Variants in PACRG observed in about 807,000 individuals in gnomAD.
PACRG encodes parkin coregulated gene protein.
In PACRG, 29 loss-of-function variants were observed where a neutral mutation model predicts 29.7. The ratio of observed to expected loss-of-function variants is 0.98; its 90% CI spans 0.73 to 1.33. The LOEUF (loss-of-function observed/expected upper bound fraction) is 1.33. Among genes scored for constraint, PACRG ranks in the 40% most tolerant of loss-of-function variants. PACRG has a pLI of 0.00. For synonymous variants in PACRG, 116 were observed against 118.7 expected, an observed-to-expected ratio of 0.98 and a Z score of 0.15; for missense variants, 279 against 316.2, an observed-to-expected ratio of 0.88 and a Z score of 0.89.
intron 4 of PACRG, among the ~76,000 whole-genome samples, chr6:163,232,579 C>T (rs1369297261): frequency 6.6e-6 from 1 of 152,140 alleles, no homozygotes; most frequent in African/African-American, 2.4e-5. Context: ...GAAGGTGGCT[C>T]TGTGGTCCTG....
intron 4 of PACRG, among the ~76,000 whole-genome samples, chr6:163,239,934 C>T (rs1457081710): frequency 2.1e-5 from 2 of 96,224 alleles, no homozygotes; most frequent in Non-Finnish European, 4.6e-5. Flanking sequence ...ATAACACACT[C>T]ACACTCCCAC....
At chr6:163,115,539 C>T (rs543347993) in intron 4 of PACRG, among the ~76,000 whole-genome samples, 1 of 152,166 alleles carries the variant, frequency 6.6e-6, no homozygotes, top group Non-Finnish European at 1.5e-5. Flanking sequence ...ACGCCCCTAC[C>T]CTAAGAGATA....
chr6:162,997,224 A>T (rs1804149115), intron 2 of PACRG, among the ~76,000 whole-genome samples: 1 of 152,238 alleles, frequency 6.6e-6, no homozygotes, highest in Non-Finnish European at 1.5e-5. Flanking sequence ...GAGCAAATCT[A>T]CATAAGGCAA....
In PACRG at chr6:163,301,008, C is replaced by T. The variant is rs113406743; in HGVS notation, c.614-13819C>T. Among the ~76,000 whole-genome samples the T allele has an allele frequency of 9.8e-4, 125 of 127,236 alleles. 5 individuals are homozygous for T. Among genetic ancestry groups the T allele is most frequent in the African/African-American group, 3.1e-3 (113 of 36,050 alleles). 83.5% of individuals were successfully genotyped at this position (127,236 alleles called of 152,430 possible). On this transcript the variant is annotated intron_variant, in intron 4 of 4. Transcript: ENST00000366888. Reference sequence around the variant, plus strand: ...TAGTAGGGCCACGTCCGCTGCTTCCCGTGAGTTTAGTAGGGCCACGTCAGC... The same window carrying T: ...TAGTAGGGCCACGTCCGCTGCTTCCTGTGAGTTTAGTAGGGCCACGTCAGC...
At chr6:163,158,354 G>GGTT (rs1480227232) in intron 4 of PACRG, among the ~76,000 whole-genome samples, 3 of 152,186 alleles carry the variant, frequency 2.0e-5, no homozygotes, top group Non-Finnish European at 4.4e-5. Context: ...GTGCATGCCT[G>GGTT]GTTGAGCTGA....
chr6:163,084,899 A>G (rs1292063279), intron 3 of PACRG, among the ~76,000 whole-genome samples: 3 of 147,978 alleles, frequency 2.0e-5, no homozygotes, highest in African/African-American at 7.5e-5. Context: ...TTACTCCTTG[A>G]TACCAGTATA....
chr6:162,832,194 G>A (rs902517685), intron 2 of PACRG, among the ~76,000 whole-genome samples: 2 of 151,982 alleles, frequency 1.3e-5, no homozygotes, highest in East Asian at 1.9e-4. Flanking sequence ...TTCAATACTC[G>A]TCATTCTGAC....
At chr6:163,175,184 A>G (rs940493459) in intron 4 of PACRG, among the ~76,000 whole-genome samples, 1 of 152,100 alleles carries the variant, frequency 6.6e-6, no homozygotes, top group African/African-American at 2.4e-5. Context: ...CTGGACTAGT[A>G]TTTTCTACTG....
intron 3 of PACRG, among the ~76,000 whole-genome samples, chr6:163,066,467 C>T (rs546205267): frequency 1.6e-4 from 25 of 152,194 alleles, no homozygotes; most frequent in Non-Finnish European, 2.2e-4. Flanking sequence ...GCAGTCAGCA[C>T]TAAACCTAGG....
intron 2 of PACRG, among the ~76,000 whole-genome samples, chr6:162,842,517 T>C (rs993244718): frequency 1.4e-4 from 22 of 151,920 alleles, no homozygotes; most frequent in Non-Finnish European, 2.1e-4. Flanking sequence ...GTTTCCTGAA[T>C]ACAGCACACT....
At chr6:162,730,609 A>G (rs537325299) in intron 1 of PACRG, among the ~76,000 whole-genome samples, 38 of 152,320 alleles carry the variant, frequency 2.5e-4, no homozygotes, top group Non-Finnish European at 3.8e-4. Context: ...TGCAAGCAGA[A>G]ATGCTTATTT....
Position 162,958,986 on chromosome 6 carries a change from T to C in PACRG, c.292-103164T>C, listed in dbSNP as rs148588766. Among the ~76,000 whole-genome samples, 1,142 of 146,586 alleles carry C rather than the reference T, an allele frequency of 7.8e-3. 24 individuals carry two copies. The highest frequency in any genetic ancestry group is 0.028 in the African/African-American group (1,087 of 39,286). On this transcript the variant is annotated intron_variant, in intron 2 of 4. Transcript: ENST00000366888. ...AGGCTGGAATGTAGTGGTGTGATCATGGCTCCCTGAATCCTAGAACTCCTG... is the reference window on the plus strand; with the variant it reads ...AGGCTGGAATGTAGTGGTGTGATCACGGCTCCCTGAATCCTAGAACTCCTG...
chr6:163,016,871 T>G (rs1806160095), intron 2 of PACRG, among the ~76,000 whole-genome samples: 1 of 152,162 alleles, frequency 6.6e-6, no homozygotes, highest in South Asian at 2.1e-4. Flanking sequence ...CTAATTTTAC[T>G]TATTTAGGTC....
chr6:163,138,279 A>C (rs1389448083), intron 4 of PACRG, among the ~76,000 whole-genome samples: 2 of 152,220 alleles, frequency 1.3e-5, no homozygotes, highest in African/African-American at 4.8e-5. Context: ...CAACGGTCAC[A>C]AATGGGCTCC....
chr6:162,984,111 G>T (rs1435105041), intron 2 of PACRG, among the ~76,000 whole-genome samples: 1 of 151,734 alleles, frequency 6.6e-6, no homozygotes, highest in Non-Finnish European at 1.5e-5. Context: ...TGAGATTTTG[G>T]TGCACCCATC....
At chr6:162,743,248 TTTTC>T (rs1473306107) in intron 1 of PACRG, among the ~76,000 whole-genome samples, 1 of 152,208 alleles carries the variant, frequency 6.6e-6, no homozygotes, top group Non-Finnish European at 1.5e-5. Context: ...GAGTTCATGT[TTTTC>T]TTTTACTATT....
At chr6:162,876,052 C>A (rs891814204) in intron 2 of PACRG, among the ~76,000 whole-genome samples, 2 of 152,176 alleles carry the variant, frequency 1.3e-5, no homozygotes, top group Non-Finnish European at 2.9e-5. Context: ...CCTTCACCAC[C>A]CCCTCCTCCA....
intron 4 of PACRG, among the ~76,000 whole-genome samples, chr6:163,201,775 C>G (rs1026305363): frequency 1.3e-5 from 2 of 152,250 alleles, no homozygotes; most frequent in African/African-American, 4.8e-5. Flanking sequence ...TGACGGTTCT[C>G]TCTCCGCTGG....
chr6:162,909,980 G>A (rs1032849938), intron 2 of PACRG, among the ~76,000 whole-genome samples: 32 of 152,192 alleles, frequency 2.1e-4, no homozygotes, highest in Non-Finnish European at 4.3e-4. Flanking sequence ...AGTATGTATA[G>A]TGTTAAAATC....
Sources: gnomAD v4.1 joint callset for allele counts (sites outside exome capture counted in the v4.1 genomes callset) on GRCh38, gnomAD v4.1.1 for gene constraint, MANE v1.5 for transcripts, NCBI Gene and HGNC (gene_info 2026-07-23, HGNC 2026-07-21) for gene names.